RPL15: variants seen among roughly 807,000 people sequenced by gnomAD.
The protein encoded by RPL15 is large ribosomal subunit protein eL15.
For missense variants in RPL15, 161 were observed against 271.8 expected, an observed-to-expected ratio of 0.59 and a Z score of 2.87; for synonymous variants, 97 against 95.1, an observed-to-expected ratio of 1.02 and a Z score of -0.12.
chr3:23,917,676 G>A, intron 1 of RPL15, 174 bp from the exon 2 acceptor site: 2 of 614,618 alleles, frequency 3.3e-6, no homozygotes, highest in Middle Eastern at 4.5e-4. Context: ...GTGACTGAAC[G>A]CGGCTCCGTG....
Position 23,920,300 on chromosome 3 carries a change from TAGTCC to T in RPL15, c.*804_*808del. The T allele has an allele frequency of 1.0e-6, 1 of 985,844 alleles. No individual in the cohort carries two copies. The highest frequency in any genetic ancestry group is 1.2e-6 in the Non-Finnish European group (1 of 829,928). 61.1% of individuals were successfully genotyped at this position (985,844 alleles called of 1,614,324 possible). On this transcript the variant is annotated 3_prime_UTR_variant, in exon 4 of 4. Transcript: ENST00000307839. ...TAGTTGGCTATAAGTACGTCATTCT[TAGTCC>T]AGTCAGTCTTAAAAACATCTTGGGT...
intron 3 of RPL15, 59 bp from the exon 4 acceptor site, chr3:23,919,137 C>A: frequency 8.5e-7 from 1 of 1,176,602 alleles, no homozygotes; most frequent in East Asian, 2.3e-5. Context: ...AAAATTCTTT[C>A]TGACTTGCTG....
At position 23,920,487 on chromosome 3, in the gene RPL15, TTGACTA is replaced by T. The variant is rs548035856; in HGVS notation, c.*990_*995del. ...TTGGACCATCACTTGTGCACCCACT[TTGACTA>T]TGAGTATACCACCACATTGCATTTC... On this transcript the variant is annotated 3_prime_UTR_variant, in exon 4 of 4. Coordinates refer to ENST00000307839, the MANE Select transcript of RPL15 (RefSeq NM_002948.5). The T allele has an allele frequency of 1.2e-4, 115 of 985,344 alleles. No individual in the cohort carries two copies. Among genetic ancestry groups the T allele is most frequent in the Middle Eastern group, 5.2e-4 (1 of 1,914 alleles). The allele number at this position is 985,344 out of a possible 1,614,324, so 61.0% of individuals were successfully genotyped here.
At chr3:23,923,410 G>A (rs1705150317), downstream of RPL15, 1 of 151,894 alleles carries the variant, frequency 6.6e-6, no homozygotes, top group Non-Finnish European at 1.5e-5. Context: ...GTAGAGACGG[G>A]GTTTCACCAT....
At chr3:23,922,000 C>T (rs75753684), downstream of RPL15, 614 of 177,946 alleles carry the variant, frequency 3.5e-3, 18 homozygotes, top group East Asian at 0.042. Context: ...GCCACCACAC[C>T]GGGCCCAAAT....
At chr3:23,921,700 A>C, downstream of RPL15, 1 of 657,310 alleles carries the variant, frequency 1.5e-6, no homozygotes, top group East Asian at 2.7e-5. Flanking sequence ...TCGGCCTCCC[A>C]AATAGCCAGG....
At chr3:23,923,736 A>G (rs1254342483), downstream of RPL15, 2 of 152,222 alleles carry the variant, frequency 1.3e-5, no homozygotes, top group African/African-American at 4.8e-5. Context: ...TTTTTTATAG[A>G]TATTGCCAAA....
In RPL15 at chr3:23,919,266, A is replaced by G; in HGVS notation, c.380A>G (p.Tyr127Cys). 1 of 1,612,662 alleles carries G rather than the reference A, an allele frequency of 6.2e-7. No individual in the cohort carries two copies. The highest frequency in any genetic ancestry group is 8.5e-7 in the Non-Finnish European group (1 of 1,179,820). ...NSYWVGEDSTYKFFEVILIDP... is the reference protein window; with the variant it reads ...NSYWVGEDSTCKFFEVILIDP... ...TACTGGGTTGGTGAAGATTCCACATACAAATTTTTTGAGGTTATCCTCATT... is the reference window on the plus strand; with the variant it reads ...TACTGGGTTGGTGAAGATTCCACATGCAAATTTTTTGAGGTTATCCTCATT... The change falls in exon 4 of 4, where the codon TAC becomes TGC. Residue 127 changes from tyrosine (Y) to cysteine (C), a missense_variant. Tyr to Cys is a radical substitution (Grantham distance 194, BLOSUM62 -2). Transcript: ENST00000307839.
intron 3 of RPL15, 191 bp from the exon 4 acceptor site, chr3:23,919,005 G>T: frequency 5.0e-6 from 3 of 604,364 alleles, no homozygotes; most frequent in South Asian, 4.1e-5. Context: ...TTCAGTCTAT[G>T]TGTGTTGTTT....
intron 3 of RPL15, 72 bp downstream of exon 3, chr3:23,918,648 T>C (rs1410701861): frequency 5.2e-6 from 8 of 1,540,500 alleles, no homozygotes; most frequent in South Asian, 1.2e-5. Flanking sequence ...TAAGCAACTT[T>C]TCTGATTGTA....
Position 23,917,834 on chromosome 3 carries a change from C to A in RPL15, c.-10-16C>A. 1 of 1,602,542 alleles carries A rather than the reference C, an allele frequency of 6.2e-7. No individual in the cohort carries two copies. The highest frequency in any genetic ancestry group is 8.5e-7 in the Non-Finnish European group (1 of 1,174,926). On this transcript the variant is annotated splice_polypyrimidine_tract_variant and intron_variant, in intron 1 of 3. Coordinates refer to ENST00000307839, the MANE Select transcript of RPL15 (RefSeq NM_002948.5). ...CTTAAAGCGGATGATATTTAATACA[C>A]AGTTTGATTTCACAGGTAAGCCAAG...
rs373934726 is a variant in RPL15, at chr3:23,919,917, CTT to C, written c.*420_*421del. The stretch of plus-strand genomic sequence containing the variant: ...TTTTTTTTAGTTTGGCAGGTGTAGA[CTT>C]TTTAAGTTGGGCTTTAGAAAATCTG... On this transcript the variant is annotated 3_prime_UTR_variant, in exon 4 of 4. Coordinates refer to ENST00000307839, the MANE Select transcript of RPL15 (RefSeq NM_002948.5). The C allele has an allele frequency of 8.4e-5, 83 of 990,506 alleles. No individual in the cohort carries two copies. The East Asian group carries it at 7.1e-3, about 85-fold the overall frequency. The allele number at this position is 990,506 out of a possible 1,614,324, so 61.4% of individuals were successfully genotyped here.
rs1705041375 is a variant in RPL15 at position 23,920,852 on chromosome 3, CCTT to C, written c.*1354_*1356del. ...TGTCTATTAAACTAAAACAAATGGACCTTCTGTTATTTTTTGTCATCTTACAGT... is the reference window on the plus strand; with the variant it reads ...TGTCTATTAAACTAAAACAAATGGACCTGTTATTTTTTGTCATCTTACAGT... On this transcript the variant is annotated 3_prime_UTR_variant, in exon 4 of 4. Transcript: ENST00000307839. 5.7e-6 allele frequency: 5 copies of C among 877,840 alleles called. No individual in the cohort carries two copies. The highest frequency in any genetic ancestry group is 6.8e-6 in the Non-Finnish European group (5 of 732,172). 54.4% of individuals were successfully genotyped at this position (877,840 alleles called of 1,614,324 possible).
At chr3:23,921,668 G>C (rs193020435), downstream of RPL15, 1 of 665,110 alleles carries the variant, frequency 1.5e-6, no homozygotes, top group Non-Finnish European at 2.7e-6. Flanking sequence ...TCTGTCTCCC[G>C]GGTTTGAGCA....
At position 23,919,839 on chromosome 3, in the gene RPL15, A is replaced by C; in HGVS notation, c.*338A>C. On this transcript the variant is annotated 3_prime_UTR_variant, in exon 4 of 4. Transcript: ENST00000307839. ...GTCTGGTGCATGTGATGAAACCTGCAGCTTTATCGGAGTGATGGCAATGCT... is the reference window on the plus strand; with the variant it reads ...GTCTGGTGCATGTGATGAAACCTGCCGCTTTATCGGAGTGATGGCAATGCT... The C allele has an allele frequency of 1.9e-6, 2 of 1,028,398 alleles. No homozygotes were observed. The highest frequency in any genetic ancestry group is 2.3e-6 in the Non-Finnish European group (2 of 858,160). 63.7% of individuals were successfully genotyped at this position (1,028,398 alleles called of 1,614,324 possible).
In RPL15 at chr3:23,918,589, G is replaced by T; in HGVS notation, c.309+13G>T. Reference sequence around the variant, plus strand: ...GTCCGTTGCAGAGGTAAATGGTTTTGAGTAGCAGTTATATTGAATACTGCC... The same window carrying T: ...GTCCGTTGCAGAGGTAAATGGTTTTTAGTAGCAGTTATATTGAATACTGCC... On this transcript the variant is annotated intron_variant, in intron 3 of 3. Transcript: ENST00000307839. 6.2e-7 allele frequency: 1 copy of T among 1,612,346 alleles called. No individual in the cohort carries two copies. Among genetic ancestry groups the T allele is most frequent in the Non-Finnish European group, 8.5e-7 (1 of 1,179,492 alleles).
chr3:23,918,550 G>T lies in RPL15; in HGVS notation c.283G>T (p.Ala95Ser). 6.2e-7 allele frequency: 1 copy of T among 1,614,010 alleles called. No individual in the cohort carries two copies. The highest frequency in any genetic ancestry group is 8.5e-7 in the Non-Finnish European group (1 of 1,179,954). Residue 95 changes from alanine to serine, a missense_variant, in exon 3 of 4, where the codon GCT becomes TCT. Physicochemically the swap from Ala to Ser is moderately conservative, Grantham distance 99. Coordinates refer to ENST00000307839, the MANE Select transcript of RPL15 (RefSeq NM_002948.5). ...VHHGVNQLKF[A>S]RSLQSVAEER... Reference sequence around the variant, plus strand: ...TCATGGTGTTAACCAGCTAAAGTTTGCTCGAAGCCTTCAGTCCGTTGCAGA... The same window carrying T: ...TCATGGTGTTAACCAGCTAAAGTTTTCTCGAAGCCTTCAGTCCGTTGCAGA...
upstream of RPL15, chr3:23,916,563 T>C (rs1704483175): frequency 6.6e-6 from 1 of 152,196 alleles, no homozygotes; most frequent in Admixed American, 6.5e-5. Context: ...CTTCACGCAG[T>C]CTGGAGCTGA....
chr3:23,918,646 T>G (rs1704855623), intron 3 of RPL15, 70 bp downstream of exon 3: 2 of 1,545,552 alleles, frequency 1.3e-6, no homozygotes, highest in African/African-American at 1.4e-5. Flanking sequence ...ATTAAGCAAC[T>G]TTTCTGATTG....
Sources: allele counts gnomAD v4.1 joint callset, GRCh38; gene constraint gnomAD v4.1.1; transcripts MANE v1.5; gene names NCBI Gene and HGNC (gene_info 2026-07-23, HGNC 2026-07-21).